The following TRDN variants were observed in gnomAD, a reference collection of about 807,000 sequenced individuals.
TRDN encodes the protein triadin in skeletal muscle.
A neutral mutation model predicts 149.7 loss-of-function variants in TRDN; 161 were observed. The ratio of observed to expected loss-of-function variants is 1.08; its 90% CI spans 0.95 to 1.23. The LOEUF (loss-of-function observed/expected upper bound fraction) is 1.23. Ranked by LOEUF, TRDN falls within the 50% of genes most tolerant of loss-of-function variation. The pLI, the probability that TRDN is intolerant of heterozygous loss-of-function variation, is 0.00. For synonymous variants in TRDN, 294 were observed against 250.5 expected (o/e 1.17, Z -1.64); for missense variants, 896 against 823.5 (o/e 1.09, Z -1.08).
intron 12 of TRDN, among the ~76,000 whole-genome samples, chr6:123,400,708 G>A (rs891595549): frequency 2.6e-5 from 4 of 152,088 alleles, no homozygotes; most frequent in African/African-American, 7.2e-5. Context: ...CCTCATTAAA[G>A]GGTGTCATAG....
intron 20 of TRDN, among the ~76,000 whole-genome samples, chr6:123,354,805 A>G (rs2114309203): frequency 6.6e-6 from 1 of 151,914 alleles, no homozygotes; most frequent in East Asian, 1.9e-4. Context: ...CCAGAATTTC[A>G]GGCACCAGCA....
chr6:123,501,405 GTTAGCTTAGTTGAGCTAACTCAAC>G (rs1778695420), intron 8 of TRDN, among the ~76,000 whole-genome samples: 1 of 55,980 alleles, frequency 1.8e-5, no homozygotes, highest in Non-Finnish European at 3.8e-5. Context: ...TAACTCAACA[GTTAGCTTAGTTGAGCTAACTCAAC>G]TAAGTCATCA....
At chr6:123,439,517 A>G (rs1774759267) in intron 10 of TRDN, 1 of 152,314 alleles carries the variant, frequency 6.6e-6, no homozygotes, top group Non-Finnish European at 1.5e-5. Context: ...CCTGATGACA[A>G]GTGTCTGGCA....
chr6:123,618,582 G>T (rs1273562431), intron 1 of TRDN, among the ~76,000 whole-genome samples: 1 of 152,046 alleles, frequency 6.6e-6, no homozygotes, highest in Non-Finnish European at 1.5e-5. Context: ...ATATTTTGGG[G>T]GACAATTATT....
At chr6:123,282,780 T>G (rs1417361504) in intron 24 of TRDN, among the ~76,000 whole-genome samples, 1 of 151,890 alleles carries the variant, frequency 6.6e-6, no homozygotes, top group East Asian at 1.9e-4. Flanking sequence ...TTTATTATAT[T>G]TTAACTTTGT....
intron 1 of TRDN, among the ~76,000 whole-genome samples, chr6:123,576,705 GGA>G (rs1212078265): frequency 6.6e-6 from 1 of 152,016 alleles, no homozygotes; most frequent in East Asian, 1.9e-4. Context: ...TGTGTATTTT[GGA>G]GAGACACAAA....
intron 1 of TRDN, among the ~76,000 whole-genome samples, chr6:123,603,935 GAT>G (rs1299623436): frequency 2.0e-5 from 3 of 152,018 alleles, no homozygotes; most frequent in African/African-American, 7.3e-5. Context: ...CACCCCTACT[GAT>G]ATTTTCCTAT....
chr6:123,537,115 A>G (rs569126150), intron 4 of TRDN, among the ~76,000 whole-genome samples: 63 of 152,328 alleles, frequency 4.1e-4, no homozygotes, highest in Middle Eastern at 3.4e-3. Flanking sequence ...CTATAATAAA[A>G]TGTTAATAAA....
At chr6:123,310,263 TA>T (rs1487986244) in intron 24 of TRDN, among the ~76,000 whole-genome samples, 1 of 152,024 alleles carries the variant, frequency 6.6e-6, no homozygotes, top group East Asian at 1.9e-4. Context: ...CAAAGAAGCA[TA>T]AAAAAGTCAT....
chr6:123,444,829 T>C (rs540010582), intron 10 of TRDN, among the ~76,000 whole-genome samples: 2 of 152,336 alleles, frequency 1.3e-5, no homozygotes, highest in South Asian at 2.1e-4. Context: ...CATTTATTGA[T>C]TTGCGTATGT....
Position 123,476,719 on chromosome 6 carries a change from T to C in TRDN, c.854-11736A>G, listed in dbSNP as rs1328210941. Among the ~76,000 whole-genome samples the C allele has an allele frequency of 6.9e-4, 101 of 146,432 alleles. 2 individuals carry two copies. The South Asian group carries it at 0.022, about 33-fold the overall frequency. Reference sequence around the variant, plus strand: ...ACTGGTACCAAAACAGAGATATAGATCAATGGAACAGAACAGAGCCCTCAG... The same window carrying C: ...ACTGGTACCAAAACAGAGATATAGACCAATGGAACAGAACAGAGCCCTCAG... On this transcript the variant is annotated intron_variant, in intron 9 of 40. Transcript: ENST00000334268.
chr6:123,336,078 C>T (rs186954447), intron 22 of TRDN, among the ~76,000 whole-genome samples: 214 of 152,072 alleles, frequency 1.4e-3, no homozygotes, highest in African/African-American at 4.8e-3. Context: ...AGAACTTAGA[C>T]TATTTTTCAT....
At chr6:123,244,646 A>T (rs906536046) in intron 38 of TRDN, among the ~76,000 whole-genome samples, 3 of 152,194 alleles carry the variant, frequency 2.0e-5, no homozygotes, top group East Asian at 3.9e-4. Flanking sequence ...GACGGGGAGA[A>T]TGGAACCAAG....
rs1582962609 is a variant in TRDN, at chr6:123,394,178, C to CA, written c.1052-502_1052-501insT. Reference sequence around the variant, plus strand: ...TGGCACCAATCACTATTAGTGTGGCCCTGGGCAAAATATATCCGAGAGAAT... The same window carrying CA: ...TGGCACCAATCACTATTAGTGTGGCCACTGGGCAAAATATATCCGAGAGAAT... On this transcript the variant is annotated intron_variant, in intron 12 of 40. Coordinates refer to ENST00000334268, the MANE Select transcript of TRDN (RefSeq NM_006073.4). 5.3e-5 allele frequency among the ~76,000 whole-genome samples: 8 copies of CA among 152,044 alleles called. No homozygotes were observed. The East Asian group carries it at 1.5e-3, about 29-fold the overall frequency.
intron 2 of TRDN, among the ~76,000 whole-genome samples, chr6:123,556,989 C>T (rs1433014222): frequency 1.3e-5 from 2 of 152,076 alleles, no homozygotes; most frequent in African/African-American, 2.4e-5. Context: ...GATGACATTA[C>T]CTTGTGAAAT....
Position 123,380,714 on chromosome 6 carries a change from GT to G in TRDN, c.1186+655del, listed in dbSNP as rs34270959. The stretch of plus-strand genomic sequence containing the variant: ...AATAGTGTATTGAATAAGTTCAAGG[GT>G]TTTTTTTTTTTTTGCTTTCTTTTGT... On this transcript the variant is annotated intron_variant, in intron 16 of 40. Coordinates refer to ENST00000334268, the MANE Select transcript of TRDN (RefSeq NM_006073.4). 4.7e-3 allele frequency among the ~76,000 whole-genome samples: 561 copies of G among 118,686 alleles called. 5 individuals are homozygous for G. The highest frequency in any genetic ancestry group is 0.013 in the African/African-American group (427 of 32,228). 77.9% of individuals were successfully genotyped at this position (118,686 alleles called of 152,430 possible). A position where few individuals can be genotyped will look rare whatever the true frequency, so the allele number is the denominator to read the frequency against.
At chr6:123,575,108 CT>C (rs1415378519) in intron 1 of TRDN, among the ~76,000 whole-genome samples, 1 of 151,118 alleles carries the variant, frequency 6.6e-6, no homozygotes, top group African/African-American at 2.4e-5. Context: ...TTTCATTGTC[CT>C]TTTTTTAATC....
At position 123,218,669 on chromosome 6, in the gene TRDN, G is replaced by A. The variant is rs751278695; in HGVS notation, c.2122C>T (p.Pro708Ser). 7 of 1,608,476 alleles carry A rather than the reference G, an allele frequency of 4.4e-6. No homozygotes were observed. In the Admixed American group the frequency reaches 6.7e-5, roughly 15 times the overall value. Residue 708 changes from proline (P) to serine (S), a missense_variant, in exon 41 of 41, where the codon CCT (proline) becomes TCT (serine). Coordinates refer to ENST00000334268, the MANE Select transcript of TRDN (RefSeq NM_006073.4). ...GAGCTCTCTCCAGGGCGGTCTGCAG[G>A]AGTGAAAGGAAACTGAAATCCATAG... ...NGYGFQFPFT[P>S]ADRPGESSGQ...
chr6:123,580,869 C>G (rs796632861), intron 1 of TRDN, among the ~76,000 whole-genome samples: 16 of 152,262 alleles, frequency 1.1e-4, no homozygotes, highest in African/African-American at 3.6e-4. Flanking sequence ...AAGAAACTCT[C>G]TTTAAATTAT....
Sources: allele counts gnomAD v4.1 joint callset (sites outside exome capture counted in the v4.1 genomes callset), GRCh38; gene constraint gnomAD v4.1.1; transcripts MANE v1.5; gene names NCBI Gene and HGNC (gene_info 2026-07-23, HGNC 2026-07-21).